The following MTHFD1 variants were observed in gnomAD, a reference collection of about 807,000 sequenced individuals.
MTHFD1 encodes the protein methylenetetrahydrofolate dehydrogenase, cyclohydrolase and formyltetrahydrofolate synthetase 1.
Under a neutral mutation model 110.3 loss-of-function variants are expected in MTHFD1, and 44 were observed. The ratio of observed to expected loss-of-function variants is 0.40; its 90% CI spans 0.31 to 0.51. The LOEUF is 0.51. Ranked by LOEUF, MTHFD1 falls within the 20% of genes least tolerant of loss-of-function variation. The probability of loss-of-function intolerance (pLI) is 0.60; values close to 1 mark genes in which losing one functional copy is unlikely to be tolerated. For synonymous variants in MTHFD1, 402 were observed against 428.8 expected, an observed-to-expected ratio of 0.94 and a Z score of 0.77; for missense variants, 909 against 1,173.1, an observed-to-expected ratio of 0.77 and a Z score of 3.29.
At chr14:64,426,961 CA>C (rs1332562092) in intron 11 of MTHFD1, among the ~76,000 whole-genome samples, 1 of 152,152 alleles carries the variant, frequency 6.6e-6, no homozygotes, top group Non-Finnish European at 1.5e-5. Context: ...ATACAGGAAT[CA>C]TTTTTTTTCT....
In MTHFD1 at chr14:64,388,413, G is replaced by A. The variant is rs115038433; in HGVS notation, c.-15G>A. 298 of 1,614,138 alleles carry A rather than the reference G, an allele frequency of 1.8e-4. No homozygotes were observed. In the African/African-American group the frequency reaches 3.8e-3, roughly 21 times the overall value. On this transcript the variant is annotated 5_prime_UTR_variant, in exon 1 of 28. Coordinates refer to ENST00000652337, the MANE Select transcript of MTHFD1 (RefSeq NM_005956.4). ...ATTGGTGGTGTCCATCGTGGGCAGC[G>A]GACTAATAAAGGCCATGGCGCCAGC...
Position 64,442,088 on chromosome 14 carries a change from C to T in MTHFD1, c.1919C>T (p.Ala640Val), listed in dbSNP as rs1408715675. ...TPVFVHAGPFANIAHGNSSII... is the reference protein window; with the variant it reads ...TPVFVHAGPFVNIAHGNSSII... ...GTGTTTGTCCATGCTGGCCCGTTTG[C>T]CAACATCGCACATGGCAATTCCTCC... The change falls in exon 20 of 28, where the codon GCC (alanine) becomes GTC (valine). Residue 640 changes from alanine (A) to valine (V), a missense_variant. By Grantham distance (64) the Ala-to-Val change is moderately conservative (BLOSUM62 0). Around this residue, in one of 3 missense-constraint regions of MTHFD1, gnomAD observed 482 missense variants for 646.0 expected, o/e 0.75. Coordinates refer to ENST00000652337, the MANE Select transcript of MTHFD1 (RefSeq NM_005956.4). 8.7e-6 allele frequency: 14 copies of T among 1,614,172 alleles called. No individual in the cohort carries two copies. Among genetic ancestry groups the T allele is most frequent in the Non-Finnish European group, 1.2e-5 (14 of 1,180,002 alleles).
rs577761446 is a variant in MTHFD1, at chr14:64,405,599, T to A, written c.126+4722T>A. 2.0e-5 allele frequency among the ~76,000 whole-genome samples: 3 copies of A among 152,328 alleles called. No individual in the cohort carries two copies. The South Asian group carries it at 6.2e-4, about 32-fold the overall frequency. On this transcript the variant is annotated intron_variant, in intron 2 of 27. Transcript: ENST00000652337. ...GGAGCTCTCTTCCTCACTCCCTGCA[T>A]CCAGTTAGGGGCTATTGTCCTATTG...
chr14:64,389,840 T>A (rs1239040677), intron 1 of MTHFD1, among the ~76,000 whole-genome samples: 1 of 152,252 alleles, frequency 6.6e-6, no homozygotes, highest in Non-Finnish European at 1.5e-5. Flanking sequence ...TTCCAGTGGC[T>A]TTTTGTTTTA....
rs1428235628 is a variant in MTHFD1, at chr14:64,419,794, T to A, written c.616-20T>A. 4 of 1,538,260 alleles carry A rather than the reference T, an allele frequency of 2.6e-6. No homozygotes were observed. In the South Asian group the frequency reaches 4.5e-5, roughly 17 times the overall value. ...GTATTTCATTATTTCATTTCTGATG[T>A]CCAAATCCCCTACCCCTAGGTAAAT... is the stretch of plus-strand genomic sequence containing the variant. On this transcript the variant is annotated intron_variant, in intron 7 of 27. Coordinates refer to ENST00000652337, the MANE Select transcript of MTHFD1 (RefSeq NM_005956.4).
Position 64,439,160 on chromosome 14 carries a change from TCA to T in MTHFD1, c.1668_1669del (p.Arg557AspfsTer5). The T allele has an allele frequency of 1.2e-6, 2 of 1,613,650 alleles. No homozygotes were observed. Among genetic ancestry groups the T allele is most frequent in the Non-Finnish European group, 1.7e-6 (2 of 1,179,562 alleles). On this transcript the variant is annotated frameshift_variant, in exon 17 of 28. Transcript: ENST00000652337. LOFTEE classifies it high-confidence loss of function. ...TTGGACAGGCTCCAACGGAGAAGGG[TCA>T]CACACGGACGGTAACAATTTGTCCC... ...TIGQAPTEKG[H>X]TRTAQFDISV...
chr14:64,414,642 C>T (rs1343108981), intron 4 of MTHFD1, among the ~76,000 whole-genome samples: 1 of 151,498 alleles, frequency 6.6e-6, no homozygotes, highest in Non-Finnish European at 1.5e-5. Flanking sequence ...TGTGAGCCAC[C>T]ACACCCAGCC....
chr14:64,448,547 G>C (rs1359019027), intron 23 of MTHFD1: 1 of 549,956 alleles, frequency 1.8e-6, no homozygotes, highest in Non-Finnish European at 3.3e-6. Flanking sequence ...CCTTTCCACT[G>C]GGGGAAGTAA....
chr14:64,420,429 C>T (rs984953498), intron 8 of MTHFD1, among the ~76,000 whole-genome samples: 9 of 152,156 alleles, frequency 5.9e-5, no homozygotes, highest in Non-Finnish European at 1.3e-4. Flanking sequence ...GCATCCTCAT[C>T]CCCAAGTTAC....
Position 64,402,631 on chromosome 14 carries a change from T to A in MTHFD1, c.126+1754T>A, listed in dbSNP as rs1280321613. ...CACAAGTGCAGCCTGGACAACAAAG[T>A]GAGATCCCATCTCCACAAAAAAATT... On this transcript the variant is annotated intron_variant, in intron 2 of 27. Coordinates refer to ENST00000652337, the MANE Select transcript of MTHFD1 (RefSeq NM_005956.4). Among the ~76,000 whole-genome samples the A allele has an allele frequency of 2.6e-5, 4 of 151,978 alleles. No individual in the cohort carries two copies. In the East Asian group the frequency reaches 7.7e-4, roughly 29 times the overall value.
intron 12 of MTHFD1, among the ~76,000 whole-genome samples, chr14:64,428,936 A>G (rs565554583): frequency 6.6e-6 from 1 of 152,242 alleles, no homozygotes; most frequent in South Asian, 2.1e-4. Context: ...AGCACGAGCT[A>G]TTCCTTGTTC....
chr14:64,430,263 C>T (rs201797791), intron 13 of MTHFD1, 33 bp downstream of exon 13: 610 of 1,605,160 alleles, frequency 3.8e-4, no homozygotes, highest in Non-Finnish European at 4.4e-4. Flanking sequence ...TGAATTAGAT[C>T]CCCCTTTTTT....
At chr14:64,410,411 G>T (rs947638312) in intron 2 of MTHFD1, among the ~76,000 whole-genome samples, 23 of 151,576 alleles carry the variant, frequency 1.5e-4, no homozygotes, top group Admixed American at 2.0e-4. Flanking sequence ...TAAAGATGGG[G>T]GGGGGGGTCT....
At chr14:64,452,461 G>A (rs2078388792) in intron 24 of MTHFD1, among the ~76,000 whole-genome samples, 1 of 152,048 alleles carries the variant, frequency 6.6e-6, no homozygotes, top group Admixed American at 6.5e-5. Flanking sequence ...GAATCTTAAT[G>A]CCCTGAACTA....
chr14:64,449,395 T>C, intron 23 of MTHFD1, 50 bp from the exon 24 acceptor site: 1 of 1,596,660 alleles, frequency 6.3e-7, no homozygotes, highest in Non-Finnish European at 8.6e-7. Flanking sequence ...AAGACAATTC[T>C]GTCTCTCCAG....
In MTHFD1 at chr14:64,442,095, C is replaced by T. The variant is rs761913080; in HGVS notation, c.1926C>T (p.Ile642=). 2.5e-6 allele frequency: 4 copies of T among 1,614,180 alleles called. No individual in the cohort carries two copies. The highest frequency in any genetic ancestry group is 1.7e-5 in the Admixed American group (1 of 60,014). Residue 642 remains isoleucine, a synonymous_variant, in exon 20 of 28, where the codon ATC becomes ATT. Coordinates refer to ENST00000652337, the MANE Select transcript of MTHFD1 (RefSeq NM_005956.4). ...VFVHAGPFAN[I]AHGNSSIIAD... ...TCCATGCTGGCCCGTTTGCCAACAT[C>T]GCACATGGCAATTCCTCCATCATTG...
At chr14:64,413,213 G>C (rs555615537) in intron 4 of MTHFD1, among the ~76,000 whole-genome samples, 1 of 151,850 alleles carries the variant, frequency 6.6e-6, no homozygotes, top group African/African-American at 2.4e-5. Flanking sequence ...TTTGCCAGGC[G>C]TGGTGGCGCA....
chr14:64,425,958 A>G, intron 10 of MTHFD1, 61 bp from the exon 11 acceptor site: 1 of 1,603,172 alleles, frequency 6.2e-7, no homozygotes, highest in Non-Finnish European at 8.5e-7. Context: ...GCTTGTTACT[A>G]CTGTGGGATT....
chr14:64,418,617 C>T (rs1365663087), intron 7 of MTHFD1, among the ~76,000 whole-genome samples: 2 of 152,058 alleles, frequency 1.3e-5, no homozygotes, highest in Admixed American at 6.5e-5. Flanking sequence ...AGTGCAATGG[C>T]GCAATCTCAG....
Sources: allele counts gnomAD v4.1 joint callset (sites outside exome capture counted in the v4.1 genomes callset), GRCh38; gene constraint gnomAD v4.1.1; regional missense constraint gnomAD v4.1.1; transcripts MANE v1.5; gene names NCBI Gene and HGNC (gene_info 2026-07-23, HGNC 2026-07-21).